The following IFT172 variants were observed in gnomAD, a reference collection of about 807,000 sequenced individuals.
IFT172 encodes the protein intraflagellar transport protein 172 homolog.
A neutral mutation model predicts 248.9 loss-of-function variants in IFT172; 164 were observed. That is an observed-to-expected ratio of 0.66 (90% CI 0.58 to 0.75). The LOEUF is 0.75. Ranked by LOEUF, IFT172 falls within the 30% of genes least tolerant of loss-of-function variation. IFT172 has a pLI of 0.00. For missense variants in IFT172, 1,950 were observed against 2,192.4 expected, an observed-to-expected ratio of 0.89 and a Z score of 2.21; for synonymous variants, 729 against 791.6, an observed-to-expected ratio of 0.92 and a Z score of 1.33.
chr2:27,468,941 A>G (rs1667339409), intron 16 of IFT172, among the ~76,000 whole-genome samples: 1 of 152,106 alleles, frequency 6.6e-6, no homozygotes, highest in Non-Finnish European at 1.5e-5. Flanking sequence ...TCCGAACAAC[A>G]ATGGAAGTCA....
intron 7 of IFT172, among the ~76,000 whole-genome samples, chr2:27,482,926 C>T (rs1437916632): frequency 6.6e-6 from 1 of 151,556 alleles, no homozygotes; most frequent in East Asian, 1.9e-4. Context: ...CTTAGTATCT[C>T]AATCCAAATG....
intron 15 of IFT172, among the ~76,000 whole-genome samples, chr2:27,471,441 T>C (rs1455778084): frequency 6.6e-6 from 1 of 152,194 alleles, no homozygotes; most frequent in East Asian, 1.9e-4. Context: ...TGGCTTTCAC[T>C]GAAATGAAAA....
intron 20 of IFT172, 27 bp downstream of exon 20, chr2:27,462,674 T>C (rs1336003358): frequency 6.3e-7 from 1 of 1,593,906 alleles, no homozygotes; most frequent in South Asian, 1.1e-5. Flanking sequence ...TATCCCCTCT[T>C]CCATCCTGTC....
chr2:27,466,833 A>G (rs1406295), intron 16 of IFT172, among the ~76,000 whole-genome samples: 70,246 of 151,350 alleles, frequency 0.46, 17,776 homozygotes, highest in African/African-American at 0.67. Flanking sequence ...GCAACATAGC[A>G]AGACCTCATC....
At chr2:27,456,161 A>G (rs2148493627) in intron 30 of IFT172, among the ~76,000 whole-genome samples, 2 of 152,170 alleles carry the variant, frequency 1.3e-5, no homozygotes, top group South Asian at 4.2e-4. Flanking sequence ...CAGTGAGCTG[A>G]TATCGTGCCA....
chr2:27,448,531 T>C (rs923222152), intron 40 of IFT172, among the ~76,000 whole-genome samples: 1 of 152,234 alleles, frequency 6.6e-6, no homozygotes, highest in Admixed American at 6.5e-5. Flanking sequence ...TGGGCAACTG[T>C]ACAAATGTAA....
In IFT172 at chr2:27,458,880, G is replaced by A. The variant is rs1666405100; in HGVS notation, c.2788-12C>T. ...AGCTCCTCAGCAATCTGTAGTTGAT[G>A]GGAGGTAGATACAAAAGGTCAGAGC... On this transcript the variant is annotated splice_polypyrimidine_tract_variant and intron_variant, in intron 25 of 47. Coordinates refer to ENST00000260570, the MANE Select transcript of IFT172 (RefSeq NM_015662.3). The A allele has an allele frequency of 1.2e-6, 2 of 1,613,610 alleles. No individual in the cohort carries two copies.
intron 43 of IFT172, 133 bp from the exon 44 acceptor site, chr2:27,446,121 C>T: frequency 7.3e-7 from 1 of 1,377,492 alleles, no homozygotes; most frequent in East Asian, 2.3e-5. Context: ...GGAGAAAAAT[C>T]CAGGAAGACA....
chr2:27,453,676 C>T lies in IFT172; in HGVS notation c.3775G>A (p.Ala1259Thr), dbSNP rs192468798. 2.5e-6 allele frequency: 4 copies of T among 1,612,570 alleles called. No individual in the cohort carries two copies. Among genetic ancestry groups the T allele is most frequent in the East Asian group, 2.2e-5 (1 of 44,874 alleles). ...TCCCGCTCATATTCTTCCTGCAGAG[C>T]CTCCAGCTGGCTGGGCACATAGTCC... The part of the protein sequence containing the change: ...CKDYVPSQLE[A>T]LQEEYEREAT... Residue 1259 changes from alanine to threonine, a missense_variant, in exon 34 of 48, where the codon GCT becomes ACT. Physicochemically the swap from Ala to Thr is moderately conservative, Grantham distance 58. Coordinates refer to ENST00000260570, the MANE Select transcript of IFT172 (RefSeq NM_015662.3).
In IFT172 at chr2:27,445,881, C is replaced by G; in HGVS notation, c.4816-38G>C. On this transcript the variant is annotated intron_variant, in intron 44 of 47. Coordinates refer to ENST00000260570, the MANE Select transcript of IFT172 (RefSeq NM_015662.3). This position sits in a 1 kb window ranked among gnomAD's most constrained non-coding sequence, Gnocchi z 4.4. ...GGGCAACCATGAACTAGGCACAGCTCGCGACTGGCAAAAACCTCCACCCTC... is the reference window on the plus strand; with the variant it reads ...GGGCAACCATGAACTAGGCACAGCTGGCGACTGGCAAAAACCTCCACCCTC... The G allele has an allele frequency of 6.2e-7, 1 of 1,614,156 alleles. No homozygotes were observed. The highest frequency in any genetic ancestry group is 8.5e-7 in the Non-Finnish European group (1 of 1,180,010).
At chr2:27,488,449 T>C (rs1265874009) in intron 1 of IFT172, among the ~76,000 whole-genome samples, 1 of 152,162 alleles carries the variant, frequency 6.6e-6, no homozygotes, top group African/African-American at 2.4e-5. Flanking sequence ...CCACCGCACC[T>C]GGTCAAAATT....
chr2:27,457,783 G>C, intron 28 of IFT172, 28 bp from the exon 29 acceptor site: 2 of 1,614,140 alleles, frequency 1.2e-6, no homozygotes, highest in Non-Finnish European at 8.5e-7. Context: ...AGGATGGAGA[G>C]ATGGGGAGAT....
At chr2:27,453,181 G>C in intron 35 of IFT172, 1 of 732,088 alleles carries the variant, frequency 1.4e-6, no homozygotes, top group Non-Finnish European at 2.5e-6. Context: ...CCTAACTTTT[G>C]GCTGTCAGGG....
In IFT172 at chr2:27,454,749, G is replaced by A. The variant is rs963837611; in HGVS notation, c.3372-89C>T. 8.9e-7 allele frequency: 1 copy of A among 1,122,116 alleles called. No individual in the cohort carries two copies. Among genetic ancestry groups the A allele is most frequent in the African/African-American group, 1.6e-5 (1 of 64,002 alleles). The allele number at this position is 1,122,116 out of a possible 1,614,324, so 69.5% of individuals were successfully genotyped here. A position where few individuals can be genotyped will look rare whatever the true frequency, so the allele number is the denominator to read the frequency against. ...CAAAACAGAGAAAGGACAGAGTTGA[G>A]GGGAGAAAAAGTGACAGATTTAAGG... On this transcript the variant is annotated intron_variant, in intron 30 of 47. Transcript: ENST00000260570. This position sits in a 1 kb window ranked among gnomAD's most constrained non-coding sequence, Gnocchi z 4.2.
chr2:27,444,768 C>A lies in IFT172; in HGVS notation c.5160+246G>T, dbSNP rs553900972. ...GTTTAAGCGATTCTCCTGCCTCAGC[C>A]TCCTGAGTAGCTGGGATTACAGGTG... On this transcript the variant is annotated intron_variant, in intron 47 of 47. Coordinates refer to ENST00000260570, the MANE Select transcript of IFT172 (RefSeq NM_015662.3). Among the ~76,000 whole-genome samples, 96 of 152,292 alleles carry A rather than the reference C, an allele frequency of 6.3e-4. No individual in the cohort carries two copies. The South Asian group carries it at 0.019, about 31-fold the overall frequency.
Position 27,448,906 on chromosome 2 carries a change from G to C in IFT172, c.4428+9C>G. The C allele has an allele frequency of 7.6e-7, 1 of 1,323,236 alleles. No homozygotes were observed. Among genetic ancestry groups the C allele is most frequent in the Non-Finnish European group, 1.1e-6 (1 of 913,950 alleles). The allele number at this position is 1,323,236 out of a possible 1,614,324, so 82.0% of individuals were successfully genotyped here. ...GTGGAAACATTCAACCCAAGGAGAA[G>C]GCTGGTACCTGTGGGTTAGCAGGGG... On this transcript the variant is annotated intron_variant, in intron 40 of 47. Coordinates refer to ENST00000260570, the MANE Select transcript of IFT172 (RefSeq NM_015662.3).
rs1361159598 is a variant in IFT172, at chr2:27,485,498, T to A, written c.45A>T (p.Gly15=). 1 of 1,614,010 alleles carries A rather than the reference T, an allele frequency of 6.2e-7. No individual in the cohort carries two copies. Among genetic ancestry groups the A allele is most frequent in the Non-Finnish European group, 8.5e-7 (1 of 1,179,894 alleles). The change falls in exon 2 of 48, where the codon GGA becomes GGT. Residue 15 remains glycine, a synonymous_variant. Coordinates refer to ENST00000260570, the MANE Select transcript of IFT172 (RefSeq NM_015662.3). The part of the protein sequence containing the change: ...HLRTLLSPQD[G]AAKVTCMAWS... Reference sequence around the variant, plus strand: ...AAGCCATGCAGGTCACCTTTGCAGCTCCATCCTGTAGAGGCAAAGGGGTAA... The same window carrying A: ...AAGCCATGCAGGTCACCTTTGCAGCACCATCCTGTAGAGGCAAAGGGGTAA...
chr2:27,461,833 C>A lies in IFT172; in HGVS notation c.2119G>T (p.Ala707Ser). The change falls in exon 21 of 48, where the codon GCT becomes TCT. Residue 707 changes from alanine (A) to serine (S), a missense_variant. Physicochemically the swap from Ala to Ser is moderately conservative, Grantham distance 99. Around this residue, in one of 3 missense-constraint regions of IFT172, gnomAD observed 1,166 missense variants for 1,254.1 expected, o/e 0.93. Transcript: ENST00000260570. Reference sequence around the variant, plus strand: ...TACATGCCCATGGCCTCCTCCACAGCATTCTAGGGGAAACAGGCAGAGCAG... The same window carrying A: ...TACATGCCCATGGCCTCCTCCACAGAATTCTAGGGGAAACAGGCAGAGCAG... ...LAEMIFLEQN[A>S]VEEAMGMYQE... 1 of 1,614,164 alleles carries A rather than the reference C, an allele frequency of 6.2e-7. No homozygotes were observed. Among genetic ancestry groups the A allele is most frequent in the Non-Finnish European group, 8.5e-7 (1 of 1,180,020 alleles).
chr2:27,446,087 G>T, intron 43 of IFT172, 99 bp from the exon 44 acceptor site: 1 of 1,477,944 alleles, frequency 6.8e-7, no homozygotes, highest in Non-Finnish European at 9.5e-7. Flanking sequence ...AGCTGGGCTT[G>T]AATGCTATTT....
Sources: gnomAD v4.1 joint callset for allele counts (sites outside exome capture counted in the v4.1 genomes callset) on GRCh38, gnomAD v4.1.1 for gene constraint, gnomAD v4.1.1 regional missense constraint, Gnocchi (gnomAD v3.1) non-coding constraint, MANE v1.5 for transcripts, NCBI Gene and HGNC (gene_info 2026-07-23, HGNC 2026-07-21) for gene names.